PTPRD: variants seen among roughly 807,000 people sequenced by gnomAD.
PTPRD encodes the protein protein tyrosine phosphatase receptor type D, also known as receptor-type tyrosine-protein phosphatase delta.
A neutral mutation model predicts 214.5 loss-of-function variants in PTPRD; 34 were observed. The ratio of observed to expected loss-of-function variants is 0.16; its 90% confidence interval spans 0.12 to 0.21. PTPRD has a LOEUF of 0.21. PTPRD is among the 10% of genes least tolerant of loss of function. The pLI is 1.00. For synonymous variants in PTPRD, 1,128 were observed against 845.7 expected (o/e 1.33, Z -5.79); for missense variants, 2,545 against 2,398.7 (o/e 1.06, Z -1.27).
chr9:8,949,106 C>G (rs2099088104), intron 11 of PTPRD, among the ~76,000 whole-genome samples: 1 of 151,154 alleles, frequency 6.6e-6, no homozygotes, highest in Non-Finnish European at 1.5e-5. Flanking sequence ...CACCTGTAAT[C>G]CCAGCTACTC....
intron 3 of PTPRD, among the ~76,000 whole-genome samples, chr9:10,332,127 T>G (rs1452144331): frequency 6.6e-6 from 1 of 151,898 alleles, no homozygotes; most frequent in African/African-American, 2.4e-5. Context: ...GCATTTCATG[T>G]GAAAGTGTTG....
At chr9:9,801,441 G>C (rs1386458633) in intron 5 of PTPRD, among the ~76,000 whole-genome samples, 1 of 151,896 alleles carries the variant, frequency 6.6e-6, no homozygotes, top group African/African-American at 2.4e-5. Context: ...TCTATAACCT[G>C]TTCTGAGTTT....
intron 2 of PTPRD, among the ~76,000 whole-genome samples, chr9:10,403,417 C>G (rs2098308816): frequency 6.6e-6 from 1 of 150,586 alleles, no homozygotes; most frequent in South Asian, 2.1e-4. Flanking sequence ...TTTTAAATTT[C>G]AAATAATTTT....
intron 7 of PTPRD, among the ~76,000 whole-genome samples, chr9:9,677,389 C>A (rs1347399926): frequency 2.0e-5 from 3 of 152,034 alleles, no homozygotes; most frequent in African/African-American, 7.2e-5. Flanking sequence ...TGGGCTTCAT[C>A]CCTGGGATGC....
intron 8 of PTPRD, among the ~76,000 whole-genome samples, chr9:9,434,417 A>G (rs535893320): frequency 2.0e-5 from 3 of 152,318 alleles, no homozygotes; most frequent in South Asian, 2.1e-4. Context: ...AAGAATGAAT[A>G]ATGTTAAAAT....
intron 3 of PTPRD, among the ~76,000 whole-genome samples, chr9:10,097,919 G>A (rs2098508469): frequency 6.6e-6 from 1 of 151,790 alleles, no homozygotes; most frequent in Non-Finnish European, 1.5e-5. Flanking sequence ...TTCAACCATT[G>A]TGGAAGTCGG....
At chr9:9,090,143 C>T (rs2099773457) in intron 10 of PTPRD, among the ~76,000 whole-genome samples, 2 of 152,070 alleles carry the variant, frequency 1.3e-5, no homozygotes, top group South Asian at 4.1e-4. Flanking sequence ...CCTTACTGTG[C>T]TATTGAACAC....
chr9:9,163,223 C>T, intron 10 of PTPRD, among the ~76,000 whole-genome samples: 1 of 152,118 alleles, frequency 6.6e-6, no homozygotes, highest in East Asian at 1.9e-4. Flanking sequence ...TCCTTCAGTA[C>T]AGACATCTTT....
intron 2 of PTPRD, among the ~76,000 whole-genome samples, chr9:10,575,627 C>A (rs2069013507): frequency 6.6e-6 from 1 of 152,006 alleles, no homozygotes; most frequent in Non-Finnish European, 1.5e-5. Flanking sequence ...GCCTGCTATA[C>A]CTGCCTGCCA....
chr9:10,374,777 T>A (rs777314074), intron 2 of PTPRD, among the ~76,000 whole-genome samples: 24 of 152,036 alleles, frequency 1.6e-4, no homozygotes, highest in Non-Finnish European at 2.9e-4. Flanking sequence ...AAAATATACT[T>A]CTTCTGTAAT....
At position 10,482,186 on chromosome 9, in the gene PTPRD, A is replaced by C. The variant is rs1332567512; in HGVS notation, c.-600+130212T>G. Among the ~76,000 whole-genome samples the C allele has an allele frequency of 2.6e-5, 4 of 152,010 alleles. No individual in the cohort carries two copies. In the East Asian group the frequency reaches 7.7e-4, roughly 29 times the overall value. On this transcript the variant is annotated intron_variant, in intron 2 of 45. Coordinates refer to ENST00000381196, the MANE Select transcript of PTPRD (RefSeq NM_002839.4). Reference sequence around the variant, plus strand: ...GGAGATTGAGACCAGCCCGGCTAACACAGTGAAACCCCATCTCTACTAAAA... The same window carrying C: ...GGAGATTGAGACCAGCCCGGCTAACCCAGTGAAACCCCATCTCTACTAAAA...
chr9:10,071,827 C>T (rs1471129198), intron 3 of PTPRD, among the ~76,000 whole-genome samples: 2 of 151,902 alleles, frequency 1.3e-5, no homozygotes, highest in Admixed American at 6.6e-5. Flanking sequence ...AGAAATCATA[C>T]ACCTTGACAA....
At chr9:9,699,338 C>A (rs76216420) in intron 7 of PTPRD, among the ~76,000 whole-genome samples, 2 of 151,910 alleles carry the variant, frequency 1.3e-5, no homozygotes, top group African/African-American at 4.8e-5. Context: ...AAATTACTAA[C>A]CACCATTATC....
chr9:10,066,255 T>G (rs1163615215), intron 3 of PTPRD, among the ~76,000 whole-genome samples: 1 of 151,782 alleles, frequency 6.6e-6, no homozygotes, highest in Non-Finnish European at 1.5e-5. Context: ...CAATAAAGCT[T>G]CACAATTCTG....
chr9:9,823,277 G>T (rs943168796), intron 5 of PTPRD, among the ~76,000 whole-genome samples: 10 of 152,112 alleles, frequency 6.6e-5, no homozygotes, highest in Non-Finnish European at 1.3e-4. Flanking sequence ...CAATCATGAT[G>T]GAAGGCAAAG....
chr9:9,837,257 C>G (rs1374933038), intron 5 of PTPRD, among the ~76,000 whole-genome samples: 1 of 152,034 alleles, frequency 6.6e-6, no homozygotes. Context: ...AATACCGTAG[C>G]TGACACTAGG....
chr9:9,789,796 CAA>C (rs774579667), intron 5 of PTPRD, among the ~76,000 whole-genome samples: 5,258 of 39,208 alleles, frequency 0.13, 18 homozygotes, highest in South Asian at 0.24. Flanking sequence ...AACTCTGTCT[CAA>C]AAAAAAAAAA....
intron 2 of PTPRD, among the ~76,000 whole-genome samples, chr9:10,404,875 T>C (rs2098330888): frequency 4.1e-5 from 2 of 48,320 alleles, no homozygotes; most frequent in Non-Finnish European, 1.1e-4. Flanking sequence ...AGGATATGAC[T>C]TTCTTCCCTA....
At chr9:9,676,571 G>T (rs960114289) in intron 7 of PTPRD, among the ~76,000 whole-genome samples, 3 of 152,032 alleles carry the variant, frequency 2.0e-5, no homozygotes, top group Admixed American at 6.6e-5. Flanking sequence ...ATTGTGAATA[G>T]TGCTGCAATA....
Sources: allele counts gnomAD v4.1 joint callset (sites outside exome capture counted in the v4.1 genomes callset), GRCh38; gene constraint gnomAD v4.1.1; transcripts MANE v1.5; gene names NCBI Gene and HGNC (gene_info 2026-07-23, HGNC 2026-07-21).